GULP1: variants seen among roughly 807,000 people sequenced by gnomAD.
GULP1 encodes PTB domain-containing engulfment adapter protein 1.
GULP1 carries 19 observed loss-of-function variants against 40.9 expected under a neutral mutation model. The ratio of observed to expected loss-of-function variants is 0.46; its 90% CI spans 0.32 to 0.68. GULP1 has a LOEUF of 0.68. GULP1 is among the 30% of genes least tolerant of loss of function. The pLI is 0.03. For missense variants in GULP1, 312 were observed against 362.2 expected (o/e 0.86, Z 1.12); for synonymous variants, 119 against 117.6 (o/e 1.01, Z -0.08).
At chr2:188,550,171 C>T (rs575153569) in intron 7 of GULP1, among the ~76,000 whole-genome samples, 2 of 151,586 alleles carry the variant, frequency 1.3e-5, no homozygotes, top group Non-Finnish European at 3.0e-5. Context: ...ATAAAGTTTA[C>T]TTTAAATATC....
chr2:188,588,703 AG>A (rs1029784227), intron 11 of GULP1: 8 of 152,144 alleles, frequency 5.3e-5, no homozygotes, highest in African/African-American at 1.9e-4. Context: ...CTGATTGAGA[AG>A]AGACAATGAA....
intron 2 of GULP1, among the ~76,000 whole-genome samples, chr2:188,420,422 T>C (rs1284080556): frequency 6.6e-6 from 1 of 152,180 alleles, no homozygotes; most frequent in Non-Finnish European, 1.5e-5. Flanking sequence ...TTTATTATTT[T>C]GGAAATGTTG....
At chr2:188,585,724 T>C (rs1702233169) in intron 10 of GULP1, among the ~76,000 whole-genome samples, 1 of 152,122 alleles carries the variant, frequency 6.6e-6, no homozygotes. Context: ...ACGAAACCAT[T>C]TTTTCCTCTT....
intron 8 of GULP1, 41 bp downstream of exon 8, chr2:188,569,396 A>C (rs1282260145): frequency 1.0e-6 from 1 of 1,000,482 alleles, no homozygotes; most frequent in Non-Finnish European, 1.6e-6. Flanking sequence ...TGTGTGATGT[A>C]AGTACAGGGA....
chr2:188,583,212 T>C (rs936640385), intron 9 of GULP1, among the ~76,000 whole-genome samples: 2 of 152,184 alleles, frequency 1.3e-5, no homozygotes, highest in Non-Finnish European at 2.9e-5. Flanking sequence ...GCAATTTTCC[T>C]GCATGAAAAA....
At chr2:188,456,409 C>T (rs912570004) in intron 2 of GULP1, among the ~76,000 whole-genome samples, 8 of 152,142 alleles carry the variant, frequency 5.3e-5, no homozygotes, top group Non-Finnish European at 1.0e-4. Context: ...CCAGCCGCTC[C>T]GCCATCGCTG....
chr2:188,472,387 C>T (rs1354511307), intron 2 of GULP1, among the ~76,000 whole-genome samples: 16 of 152,106 alleles, frequency 1.1e-4, no homozygotes, highest in Non-Finnish European at 2.2e-4. Context: ...TCTCTGTTCC[C>T]TCTTTAAGGC....
chr2:188,482,048 G>A (rs2061485875), intron 3 of GULP1, among the ~76,000 whole-genome samples: 3 of 151,826 alleles, frequency 2.0e-5, no homozygotes, highest in Admixed American at 6.6e-5. Flanking sequence ...AGCTTAGAAT[G>A]TATTGCTGTT....
intron 2 of GULP1, among the ~76,000 whole-genome samples, chr2:188,411,315 G>T (rs1454815735): frequency 7.9e-5 from 12 of 152,162 alleles, no homozygotes; most frequent in Non-Finnish European, 1.5e-5. Context: ...GATCAGCCTG[G>T]ATATGGTGCC....
chr2:188,558,728 G>T (rs1695491476), intron 7 of GULP1, among the ~76,000 whole-genome samples: 1 of 152,180 alleles, frequency 6.6e-6, no homozygotes, highest in South Asian at 2.1e-4. Flanking sequence ...TCCAGGTTGA[G>T]GTGGTCTCAG....
rs144751070 is a variant in GULP1 at position 188,527,383 on chromosome 2, G to A, written c.163-1714G>A. On this transcript the variant is annotated intron_variant, in intron 5 of 11. Coordinates refer to ENST00000409830, the MANE Select transcript of GULP1 (RefSeq NM_016315.4). The stretch of plus-strand genomic sequence containing the variant: ...ATAATGAGAGTTGCTTTATCCAGAC[G>A]CATTCACATAGGGGGAGAGCAGCTG... Among the ~76,000 whole-genome samples, 100 of 152,216 alleles carry A rather than the reference G, an allele frequency of 6.6e-4. 1 individual carries two copies. The highest frequency in any genetic ancestry group is 2.3e-3 in the African/African-American group (94 of 41,540).
chr2:188,407,736 A>T (rs1057255863), intron 2 of GULP1, among the ~76,000 whole-genome samples: 101 of 152,198 alleles, frequency 6.6e-4, no homozygotes, highest in Non-Finnish European at 1.3e-3. Context: ...GGAACAAAGG[A>T]TGTACAAAAC....
intron 2 of GULP1, among the ~76,000 whole-genome samples, chr2:188,460,681 T>C (rs1029452351): frequency 6.6e-6 from 1 of 152,214 alleles, no homozygotes. Flanking sequence ...GGACTTCCAG[T>C]ACTGTGTAGA....
intron 1 of GULP1, among the ~76,000 whole-genome samples, chr2:188,326,724 A>G (rs560247221): frequency 7.2e-5 from 11 of 152,268 alleles, no homozygotes; most frequent in Admixed American, 2.0e-4. Context: ...AGTCGTGTTA[A>G]TGACCTTCTG....
At chr2:188,576,781 G>A (rs181773797) in intron 9 of GULP1, among the ~76,000 whole-genome samples, 26 of 152,082 alleles carry the variant, frequency 1.7e-4, no homozygotes, top group Middle Eastern at 3.4e-3. Context: ...AGAAATTTCC[G>A]TTACTTGACT....
At chr2:188,333,893 C>T (rs906607408) in intron 1 of GULP1, among the ~76,000 whole-genome samples, 1 of 152,050 alleles carries the variant, frequency 6.6e-6, no homozygotes, top group Non-Finnish European at 1.5e-5. Context: ...AACTAGCCAC[C>T]CTTTGGACTG....
chr2:188,339,199 C>T lies in GULP1; in HGVS notation c.-171-44564C>T, dbSNP rs796603304. On this transcript the variant is annotated intron_variant, in intron 1 of 11. Coordinates refer to ENST00000409830, the MANE Select transcript of GULP1 (RefSeq NM_016315.4). ...CCAGTATACACATTTAAAAGCAGCT[C>T]ACTTTGAATATCAGTTTAAAAGCAG... Among the ~76,000 whole-genome samples the T allele has an allele frequency of 7.9e-5, 12 of 152,292 alleles. 1 individual carries two copies. The highest frequency in any genetic ancestry group is 2.9e-4 in the African/African-American group (12 of 41,576).
intron 6 of GULP1, among the ~76,000 whole-genome samples, chr2:188,533,126 C>A (rs1191568305): frequency 6.6e-6 from 1 of 151,942 alleles, no homozygotes; most frequent in Non-Finnish European, 1.5e-5. Context: ...TGGTTATTTA[C>A]CTGGAATAAG....
In GULP1 at chr2:188,477,667, T is replaced by G. The variant is rs13414327; in HGVS notation, c.-36T>G. 0.049 allele frequency: 76,350 copies of G among 1,562,282 alleles called. 6,733 individuals carry two copies. The highest frequency in any genetic ancestry group is 0.39 in the African/African-American group (28,336 of 72,348). ...TTTTGTCACTTTTACAGGATTTAAGTCGTGGAACTGAACATTTATTTGGCT... is the reference window on the plus strand; with the variant it reads ...TTTTGTCACTTTTACAGGATTTAAGGCGTGGAACTGAACATTTATTTGGCT... On this transcript the variant is annotated 5_prime_UTR_variant, in exon 3 of 12. Transcript: ENST00000409830.
Sources: allele counts gnomAD v4.1 joint callset (sites outside exome capture counted in the v4.1 genomes callset), GRCh38; gene constraint gnomAD v4.1.1; transcripts MANE v1.5; gene names NCBI Gene and HGNC (gene_info 2026-07-23, HGNC 2026-07-21).